APPL1: variants seen among roughly 807,000 people sequenced by gnomAD.
The protein encoded by APPL1 is adaptor protein, phosphotyrosine interacting with PH domain and leucine zipper 1, also known as DCC-interacting protein 13-alpha.
APPL1 carries 42 observed loss-of-function variants against 106.8 expected under a neutral mutation model. That is an observed-to-expected ratio of 0.39 (90% CI 0.31 to 0.51). The LOEUF is 0.51. APPL1 is among the 20% of genes least tolerant of loss of function. APPL1 has a pLI of 0.75. For synonymous variants in APPL1, 263 were observed against 281.8 expected, an observed-to-expected ratio of 0.93 and a Z score of 0.67; for missense variants, 769 against 858.2, an observed-to-expected ratio of 0.90 and a Z score of 1.30.
chr3:57,239,819 C>T (rs2060735927), intron 4 of APPL1, among the ~76,000 whole-genome samples: 1 of 152,116 alleles, frequency 6.6e-6, no homozygotes, highest in South Asian at 2.1e-4. Flanking sequence ...AGGAGGGTTC[C>T]AGTTTTTCCA....
chr3:57,245,489 GCTTA>G (rs2060767803), intron 7 of APPL1, among the ~76,000 whole-genome samples: 1 of 151,678 alleles, frequency 6.6e-6, no homozygotes, highest in Non-Finnish European at 1.5e-5. Flanking sequence ...TCTCTGCCAT[GCTTA>G]GTTTAGTTAT....
intron 10 of APPL1, 147 bp from the exon 11 acceptor site, chr3:57,249,213 A>G: frequency 1.4e-6 from 1 of 714,212 alleles, no homozygotes; most frequent in Non-Finnish European, 2.3e-6. Context: ...TATTTTAGAG[A>G]CTGAAAGCAT....
Position 57,227,837 on chromosome 3 carries a change from C to A in APPL1, c.-47C>A. On this transcript the variant is annotated 5_prime_UTR_variant, in exon 1 of 22. It adds an upstream start codon to the 5' untranslated region. Coordinates refer to ENST00000288266, the MANE Select transcript of APPL1 (RefSeq NM_012096.3). ...GCGGCGGGCGGGCCGGCGCGGGGAGCTGTGGGCGGCAGCTGCGTCTCCTGC... is the reference window on the plus strand; with the variant it reads ...GCGGCGGGCGGGCCGGCGCGGGGAGATGTGGGCGGCAGCTGCGTCTCCTGC... 2 of 1,427,702 alleles carry A rather than the reference C, an allele frequency of 1.4e-6. No individual in the cohort carries two copies. The highest frequency in any genetic ancestry group is 1.8e-6 in the Non-Finnish European group (2 of 1,082,560). 88.4% of individuals were successfully genotyped at this position (1,427,702 alleles called of 1,614,324 possible). A position where few individuals can be genotyped will look rare whatever the true frequency, so the allele number is the denominator to read the frequency against.
intron 9 of APPL1, 143 bp downstream of exon 9, chr3:57,247,620 C>T (rs1465519483): frequency 5.2e-6 from 3 of 579,620 alleles, no homozygotes; most frequent in Non-Finnish European, 8.8e-6. Flanking sequence ...TTCATGGTTA[C>T]TTCTTGTTTT....
intron 11 of APPL1, among the ~76,000 whole-genome samples, chr3:57,251,932 T>C (rs1365784377): frequency 1.3e-5 from 2 of 152,180 alleles, no homozygotes; most frequent in African/African-American, 4.8e-5. Flanking sequence ...TTGAAATATA[T>C]ATGAGTTCAT....
chr3:57,229,923 A>G (rs2060677855), intron 1 of APPL1, among the ~76,000 whole-genome samples: 1 of 152,104 alleles, frequency 6.6e-6, no homozygotes, highest in Admixed American at 6.6e-5. Context: ...CATGTTGGCC[A>G]GGCTGGTCTC....
chr3:57,262,204 G>C (rs1223183576), intron 19 of APPL1, among the ~76,000 whole-genome samples: 1 of 151,726 alleles, frequency 6.6e-6, no homozygotes, highest in East Asian at 1.9e-4. Flanking sequence ...CATTCAACAG[G>C]TTGTCTGTTT....
rs1393816349 is a variant in APPL1, at chr3:57,268,426, A to C, written c.1922A>C (p.Glu641Ala). 6.2e-6 allele frequency: 10 copies of C among 1,600,324 alleles called. No homozygotes were observed. The highest frequency in any genetic ancestry group is 8.5e-6 in the Non-Finnish European group (10 of 1,172,462). ...CGTAGGGCATCAGAAAAACAAAAAGAAATAGAGAGAGTAAAAGAGAAGCAA... is the reference window on the plus strand; with the variant it reads ...CGTAGGGCATCAGAAAAACAAAAAGCAATAGAGAGAGTAAAAGAGAAGCAA... The part of the protein sequence containing the change: ...LDRRASEKQK[E>A]IERVKEKQQK... The change falls in exon 21 of 22, where the codon GAA becomes GCA. Residue 641 changes from glutamate to alanine, a missense_variant. By Grantham distance (107) the Glu-to-Ala change is moderately radical. Transcript: ENST00000288266.
chr3:57,269,309 AAG>A, intron 21 of APPL1: 1 of 432,214 alleles, frequency 2.3e-6, no homozygotes, highest in Non-Finnish European at 4.1e-6. Context: ...GTCATAAAAA[AAG>A]AAAGATAAAA....
At chr3:57,265,996 T>C (rs2060892842) in intron 19 of APPL1, among the ~76,000 whole-genome samples, 1 of 152,224 alleles carries the variant, frequency 6.6e-6, no homozygotes, top group Admixed American at 6.5e-5. Flanking sequence ...ATGTAGCATA[T>C]TGATTGATTT....
At chr3:57,242,474 C>A (rs1579386215) in intron 6 of APPL1, among the ~76,000 whole-genome samples, 1 of 151,872 alleles carries the variant, frequency 6.6e-6, no homozygotes, top group Non-Finnish European at 1.5e-5. Flanking sequence ...TGCTCTGTTG[C>A]CCAGGTTGGA....
chr3:57,262,852 A>G (rs200361462), intron 19 of APPL1, among the ~76,000 whole-genome samples: 1 of 127,376 alleles, frequency 7.9e-6, no homozygotes, highest in Non-Finnish European at 1.6e-5. Context: ...GTGTGTATGC[A>G]TTTTTTTTTT....
intron 12 of APPL1, among the ~76,000 whole-genome samples, chr3:57,252,884 A>C (rs112361463): frequency 1.3e-5 from 2 of 152,344 alleles, no homozygotes; most frequent in African/African-American, 4.8e-5. Flanking sequence ...TTCTTCCATG[A>C]AAATGTATCT....
In APPL1 at chr3:57,228,093, G is replaced by A. The variant is rs1471557296; in HGVS notation, c.54+156G>A. Among the ~76,000 whole-genome samples, 2 of 151,896 alleles carry A rather than the reference G, an allele frequency of 1.3e-5. No individual in the cohort carries two copies. Among genetic ancestry groups the A allele is most frequent in the Non-Finnish European group, 2.9e-5 (2 of 67,952 alleles). On this transcript the variant is annotated intron_variant, in intron 1 of 21. Transcript: ENST00000288266. This position sits in a 1 kb window ranked among gnomAD's most constrained non-coding sequence, Gnocchi z 4.6. ...GTCGCAGGCCGCGCCCGGAGTTGTG[G>A]AGGCTGGGCCCGCCGCCCAAGGCCC...
chr3:57,237,967 A>G, intron 3 of APPL1, 78 bp from the exon 4 acceptor site: 1 of 1,151,890 alleles, frequency 8.7e-7, no homozygotes, highest in Non-Finnish European at 1.3e-6. Flanking sequence ...GAAGTTATTT[A>G]AAAATGTAAA....
chr3:57,267,971 A>G (rs1454334175), intron 20 of APPL1, 179 bp downstream of exon 20: 1 of 641,850 alleles, frequency 1.6e-6, no homozygotes, highest in Non-Finnish European at 2.7e-6. Flanking sequence ...GTGCACCTGT[A>G]ATCCCAGCTA....
chr3:57,254,060 G>A (rs1428529719), intron 13 of APPL1, among the ~76,000 whole-genome samples: 1 of 151,954 alleles, frequency 6.6e-6, no homozygotes, highest in African/African-American at 2.4e-5. Flanking sequence ...ACAGGATTTG[G>A]CCATGTTGGC....
At chr3:57,257,767 G>A (rs1417313955) in intron 15 of APPL1, among the ~76,000 whole-genome samples, 1 of 152,128 alleles carries the variant, frequency 6.6e-6, no homozygotes, top group Non-Finnish European at 1.5e-5. Context: ...GGTAATACAT[G>A]TGATATAGGT....
Position 57,270,940 on chromosome 3 carries a change from T to A in APPL1, c.*1253T>A, listed in dbSNP as rs1318736249. ...ATTTCTCTACTGCCTATTGTTTATGTTAAACCTTAATTTTTTTTCTGTAAT... is the reference window on the plus strand; with the variant it reads ...ATTTCTCTACTGCCTATTGTTTATGATAAACCTTAATTTTTTTTCTGTAAT... On this transcript the variant is annotated 3_prime_UTR_variant, in exon 22 of 22. Coordinates refer to ENST00000288266, the MANE Select transcript of APPL1 (RefSeq NM_012096.3). 6.6e-6 allele frequency: 1 copy of A among 152,156 alleles called. No homozygotes were observed. Among genetic ancestry groups the A allele is most frequent in the Admixed American group, 6.6e-5 (1 of 15,266 alleles). The allele number at this position is 152,156 out of a possible 1,614,324, so 9.4% of individuals were successfully genotyped here. A position where few individuals can be genotyped will look rare whatever the true frequency, so the allele number is the denominator to read the frequency against.
Sources: allele counts gnomAD v4.1 joint callset (sites outside exome capture counted in the v4.1 genomes callset), GRCh38; gene constraint gnomAD v4.1.1; non-coding constraint Gnocchi (gnomAD v3.1); transcripts MANE v1.5; gene names NCBI Gene and HGNC (gene_info 2026-07-23, HGNC 2026-07-21).